The following PHLPP1 variants were observed in gnomAD, a reference collection of about 807,000 sequenced individuals.
PHLPP1 encodes the protein PH domain leucine-rich repeat-containing protein phosphatase 1.
Under a neutral mutation model 117.2 loss-of-function variants are expected in PHLPP1, and 42 were observed. The ratio of observed to expected loss-of-function variants is 0.36; its 90% CI spans 0.28 to 0.46. The LOEUF (loss-of-function observed/expected upper bound fraction) is 0.46. PHLPP1 is among the 20% of genes least tolerant of loss of function. PHLPP1 has a pLI of 1.00. For missense variants in PHLPP1, 2,084 were observed against 2,241.9 expected, an observed-to-expected ratio of 0.93 and a Z score of 1.42; for synonymous variants, 1,042 against 970.7, an observed-to-expected ratio of 1.07 and a Z score of -1.37.
intron 1 of PHLPP1, among the ~76,000 whole-genome samples, chr18:62,819,747 G>A (rs1286034439): frequency 6.6e-6 from 1 of 152,182 alleles, no homozygotes; most frequent in Non-Finnish European, 1.5e-5. Flanking sequence ...CTGGGTTCAA[G>A]CGATTCTCCT....
chr18:62,960,751 G>A (rs901202899), intron 13 of PHLPP1, among the ~76,000 whole-genome samples: 4 of 152,144 alleles, frequency 2.6e-5, no homozygotes, highest in Non-Finnish European at 4.4e-5. Context: ...AGCAGTTGTC[G>A]TACGTATCAA....
chr18:62,876,419 A>T (rs912950964), intron 4 of PHLPP1, among the ~76,000 whole-genome samples: 1 of 152,152 alleles, frequency 6.6e-6, no homozygotes, highest in African/African-American at 2.4e-5. Context: ...TTACTTCTCA[A>T]TTCCATGTGA....
chr18:62,829,716 C>T (rs1914704678), intron 1 of PHLPP1, among the ~76,000 whole-genome samples: 1 of 152,074 alleles, frequency 6.6e-6, no homozygotes, highest in South Asian at 2.1e-4. Flanking sequence ...TGCGCCACTG[C>T]ACTCCAGCCT....
intron 1 of PHLPP1, among the ~76,000 whole-genome samples, chr18:62,810,343 A>G (rs1914075379): frequency 6.6e-6 from 1 of 152,190 alleles, no homozygotes; most frequent in South Asian, 2.1e-4. Flanking sequence ...GATCTCAGGT[A>G]AGATTTAGTG....
At chr18:62,848,367 A>G (rs1243523169) in intron 3 of PHLPP1, among the ~76,000 whole-genome samples, 3 of 151,398 alleles carry the variant, frequency 2.0e-5, no homozygotes, top group African/African-American at 7.3e-5. Context: ...GGCAACTTTT[A>G]CCATTTGGCA....
chr18:62,753,205 G>A (rs112540416), intron 1 of PHLPP1, among the ~76,000 whole-genome samples: 3 of 152,190 alleles, frequency 2.0e-5, no homozygotes, highest in African/African-American at 4.8e-5. Flanking sequence ...TTTTATTATG[G>A]TTAAGGATGT....
intron 3 of PHLPP1, among the ~76,000 whole-genome samples, chr18:62,854,386 T>C (rs1444839183): frequency 6.6e-6 from 1 of 152,210 alleles, no homozygotes; most frequent in East Asian, 1.9e-4. Flanking sequence ...TGTGTGGGAT[T>C]GGAGTGGGCA....
At chr18:62,879,424 G>A (rs934374115) in intron 4 of PHLPP1, among the ~76,000 whole-genome samples, 9 of 152,034 alleles carry the variant, frequency 5.9e-5, no homozygotes, top group African/African-American at 2.2e-4. Context: ...GTGTGTGTGT[G>A]TGTGTGTGTC....
At chr18:62,822,721 T>G (rs767046594) in intron 1 of PHLPP1, among the ~76,000 whole-genome samples, 2 of 152,176 alleles carry the variant, frequency 1.3e-5, no homozygotes, top group African/African-American at 2.4e-5. Context: ...GCATCCAGAT[T>G]GTAACTGTGC....
In PHLPP1 at chr18:62,905,227, T is replaced by C; in HGVS notation, c.2651T>C (p.Leu884Pro). ...GGGTTTTTTTTTTTCTTCCTAGAAC[T>C]TGTTCAACTTGATGTTTACCCAGTT... ...LKALYASSNE[L>P]VQLDVYPVPN... Residue 884 changes from leucine (L) to proline (P), a missense_variant, in exon 8 of 17, where the codon CTT becomes CCT. Leu to Pro is a moderately conservative substitution (Grantham distance 98). This residue lies in a region of PHLPP1 where 1,365 missense variants were observed against 1,605.9 expected (regional missense o/e 0.85). Coordinates refer to ENST00000262719, the MANE Select transcript of PHLPP1 (RefSeq NM_194449.4). 1 of 1,539,624 alleles carries C rather than the reference T, an allele frequency of 6.5e-7. No homozygotes were observed. The highest frequency in any genetic ancestry group is 8.7e-7 in the Non-Finnish European group (1 of 1,145,544).
chr18:62,825,049 C>G (rs1914572122), intron 1 of PHLPP1, among the ~76,000 whole-genome samples: 1 of 152,062 alleles, frequency 6.6e-6, no homozygotes, highest in African/African-American at 2.4e-5. Context: ...CCCTCAGTCT[C>G]CCGGGTTCAA....
chr18:62,898,046 TG>T (rs1473260462), intron 6 of PHLPP1, among the ~76,000 whole-genome samples: 1 of 152,160 alleles, frequency 6.6e-6, no homozygotes, highest in Non-Finnish European at 1.5e-5. Context: ...GTACAAAGTG[TG>T]GCTGTTACTT....
chr18:62,799,195 A>G (rs1322744315), intron 1 of PHLPP1, among the ~76,000 whole-genome samples: 1 of 152,200 alleles, frequency 6.6e-6, no homozygotes, highest in African/African-American at 2.4e-5. Context: ...TAAATAGGCT[A>G]TTGTATAAAA....
At chr18:62,856,673 G>A (rs548130422) in intron 3 of PHLPP1, among the ~76,000 whole-genome samples, 32 of 152,220 alleles carry the variant, frequency 2.1e-4, no homozygotes, top group African/African-American at 7.7e-4. Context: ...GGCTCAAACA[G>A]TCCTCCCACC....
At position 62,717,137 on chromosome 18, in the gene PHLPP1, C is replaced by A. The variant is rs780383362; in HGVS notation, c.1454C>A (p.Ala485Glu). 19 of 1,595,680 alleles carry A rather than the reference C, an allele frequency of 1.2e-5. 2 individuals carry two copies. Among genetic ancestry groups the A allele is most frequent in the Middle Eastern group, 1.9e-4 (1 of 5,246 alleles). The part of the protein sequence containing the change: ...LHGETTRRLE[A>E]EEKPLQIQND... ...GGAGAGACCACCCGGCGCTTGGAGG[C>A]GGAGGAGAAGCCATTGCAGATCCAA... Residue 485 changes from alanine to glutamate, a missense_variant, in exon 1 of 17, where the codon GCG becomes GAG. Physicochemically the swap from Ala to Glu is moderately radical, Grantham distance 107. This residue lies in a region of PHLPP1 where 1,365 missense variants were observed against 1,605.9 expected (regional missense o/e 0.85). Coordinates refer to ENST00000262719, the MANE Select transcript of PHLPP1 (RefSeq NM_194449.4).
At chr18:62,790,656 G>T (rs1021127126) in intron 1 of PHLPP1, among the ~76,000 whole-genome samples, 1 of 152,092 alleles carries the variant, frequency 6.6e-6, no homozygotes, top group Non-Finnish European at 1.5e-5. Flanking sequence ...CATTTAAGTG[G>T]AACAAATGAA....
intron 13 of PHLPP1, among the ~76,000 whole-genome samples, chr18:62,961,607 A>G (rs1394357520): frequency 1.3e-5 from 2 of 152,214 alleles, no homozygotes; most frequent in African/African-American, 2.4e-5. Context: ...TAAGAAACCT[A>G]TTGTATTGCT....
At chr18:62,758,165 A>G (rs1912090575) in intron 1 of PHLPP1, among the ~76,000 whole-genome samples, 1 of 152,250 alleles carries the variant, frequency 6.6e-6, no homozygotes, top group South Asian at 2.1e-4. Context: ...CCCTATTCTA[A>G]GAAAAGTTGT....
At chr18:62,838,555 A>G (rs1267092857) in intron 2 of PHLPP1, 1 of 416,050 alleles carries the variant, frequency 2.4e-6, no homozygotes, top group East Asian at 3.7e-5. Context: ...AAAGAGGAGA[A>G]TTTCACTGTG....
Sources: allele counts gnomAD v4.1 joint callset (sites outside exome capture counted in the v4.1 genomes callset), GRCh38; gene constraint gnomAD v4.1.1; regional missense constraint gnomAD v4.1.1; transcripts MANE v1.5; gene names NCBI Gene and HGNC (gene_info 2026-07-23, HGNC 2026-07-21).